Variants in AGO2 observed in about 807,000 individuals in gnomAD.
AGO2 encodes the protein protein argonaute-2.
A neutral mutation model predicts 102.3 loss-of-function variants in AGO2; 5 were observed. That is an observed-to-expected ratio of 0.05 (90% confidence interval 0.03 to 0.10). AGO2 has a LOEUF of 0.10. AGO2 is among the 10% of genes least tolerant of loss of function. AGO2 has a pLI of 1.00. For missense variants in AGO2, 541 were observed against 1,183.7 expected (o/e 0.46, Z 7.97); for synonymous variants, 449 against 473.1 (o/e 0.95, Z 0.66).
At chr8:140,551,536 C>G in intron 10 of AGO2, 100 bp from the exon 11 acceptor site, 2 of 1,312,670 alleles carry the variant, frequency 1.5e-6, no homozygotes, top group South Asian at 2.0e-5. Context: ...TGACCAACAA[C>G]TGCTTCTCAG....
chr8:140,581,856 TC>T (rs1464365959), intron 2 of AGO2, among the ~76,000 whole-genome samples: 1 of 152,156 alleles, frequency 6.6e-6, no homozygotes, highest in Non-Finnish European at 1.5e-5. Context: ...GAGAACTAAG[TC>T]CCCAGACATT....
At chr8:140,584,269 A>G (rs1052052681) in intron 2 of AGO2, among the ~76,000 whole-genome samples, 1 of 152,138 alleles carries the variant, frequency 6.6e-6, no homozygotes, top group Non-Finnish European at 1.5e-5. Flanking sequence ...GAGAAATGAA[A>G]ATTAACCACA....
chr8:140,556,989 T>G (rs1240283148), intron 8 of AGO2, 100 bp downstream of exon 8: 10 of 1,474,172 alleles, frequency 6.8e-6, no homozygotes, highest in Non-Finnish European at 8.2e-6. Flanking sequence ...GTGCCATTTG[T>G]ATCTGACTGG....
intron 1 of AGO2, among the ~76,000 whole-genome samples, chr8:140,601,356 C>G (rs1376374880): frequency 6.6e-6 from 1 of 152,232 alleles, no homozygotes; most frequent in African/African-American, 2.4e-5. Context: ...CCCCAGCAGC[C>G]CCAGCACCCC....
chr8:140,633,237 A>G (rs192082579), intron 1 of AGO2, among the ~76,000 whole-genome samples: 1 of 152,356 alleles, frequency 6.6e-6, no homozygotes, highest in Non-Finnish European at 1.5e-5. Flanking sequence ...TAAGATTAAA[A>G]AGAGTCTCAA....
intron 1 of AGO2, among the ~76,000 whole-genome samples, chr8:140,624,373 G>A (rs907805092): frequency 1.3e-5 from 2 of 152,220 alleles, no homozygotes; most frequent in African/African-American, 2.4e-5. Flanking sequence ...GCACAGAGCC[G>A]GCGTGCGTGG....
chr8:140,610,749 C>G (rs932313985), intron 1 of AGO2, among the ~76,000 whole-genome samples: 1 of 152,168 alleles, frequency 6.6e-6, no homozygotes, highest in African/African-American at 2.4e-5. Context: ...GTTGGGAGCC[C>G]CTGTCCTGCC....
chr8:140,546,100 C>T lies in AGO2; in HGVS notation c.1748+1368G>A, dbSNP rs113589038. Among the ~76,000 whole-genome samples, 967 of 152,328 alleles carry T rather than the reference C, an allele frequency of 6.3e-3. 9 individuals carry two copies. Among genetic ancestry groups the T allele is most frequent in the African/African-American group, 0.022 (912 of 41,564 alleles). The stretch of plus-strand genomic sequence containing the variant: ...GCACACAGTAGGTACTCAATAAATA[C>T]AGAACCTGTTGACTGAGGAACAGCA... On this transcript the variant is annotated intron_variant, in intron 13 of 18. Transcript: ENST00000220592.
intron 3 of AGO2, among the ~76,000 whole-genome samples, chr8:140,566,076 G>A: frequency 6.6e-6 from 1 of 152,098 alleles, no homozygotes; most frequent in Non-Finnish European, 1.5e-5. Context: ...GACTGCATGG[G>A]GAATCAGCGC....
Position 140,531,450 on chromosome 8 carries a change from C to G in AGO2, c.*594G>C, listed in dbSNP as rs1485737029. The G allele has an allele frequency of 6.5e-6, 1 of 152,880 alleles. No homozygotes were observed. Among genetic ancestry groups the G allele is most frequent in the African/African-American group, 2.4e-5 (1 of 41,446 alleles). 9.5% of individuals were successfully genotyped at this position (152,880 alleles called of 1,614,324 possible). A position where few individuals can be genotyped will look rare whatever the true frequency, so the allele number is the denominator to read the frequency against. Reference sequence around the variant, plus strand: ...TCTGCCACTGCTCCTTAGTTCAGGCCGGGTGAAGGGCGGTGCTGGCAGAAC... The same window carrying G: ...TCTGCCACTGCTCCTTAGTTCAGGCGGGGTGAAGGGCGGTGCTGGCAGAAC... On this transcript the variant is annotated 3_prime_UTR_variant, in exon 19 of 19. Coordinates refer to ENST00000220592, the MANE Select transcript of AGO2 (RefSeq NM_012154.5).
rs2073310748 is a variant in AGO2, at chr8:140,567,759, G to A, written c.336+5053C>T. Among the ~76,000 whole-genome samples, 1 of 152,254 alleles carries A rather than the reference G, an allele frequency of 6.6e-6. No homozygotes were observed. The highest frequency in any genetic ancestry group is 1.5e-5 in the Non-Finnish European group (1 of 68,046). Reference sequence around the variant, plus strand: ...TCCGGAAATCCTCAGGGCGAGAGAAGTAGGACTGTCATGGGGTGATTCCTC... The same window carrying A: ...TCCGGAAATCCTCAGGGCGAGAGAAATAGGACTGTCATGGGGTGATTCCTC... On this transcript the variant is annotated intron_variant, in intron 3 of 18. Coordinates refer to ENST00000220592, the MANE Select transcript of AGO2 (RefSeq NM_012154.5). This position sits in a 1 kb window ranked among gnomAD's most constrained non-coding sequence, Gnocchi z 5.0.
intron 16 of AGO2, 134 bp from the exon 17 acceptor site, chr8:140,535,703 GGTAGGATA>G: frequency 2.8e-6 from 2 of 718,738 alleles, no homozygotes; most frequent in Non-Finnish European, 2.5e-6. Context: ...ACAGGTCCTC[GGTAGGATA>G]GTGTTACATA....
the AGO2 span, among the ~76,000 whole-genome samples, chr8:140,641,436 C>A: frequency 6.6e-6 from 1 of 152,064 alleles, no homozygotes; most frequent in African/African-American, 2.4e-5. Context: ...TTTTAGCTTT[C>A]CACAATGACT....
rs2072395049 is a variant in AGO2 at position 140,520,340 on chromosome 8, A to C, written c.*11704T>G. On this transcript the variant is annotated 3_prime_UTR_variant, in exon 19 of 19. Transcript: ENST00000220592. ...AACACTATGCCAAACTTTTAGTATT[A>C]GTTTATATACACACAGTAAGAAACA... 2 of 152,252 alleles carry C rather than the reference A, an allele frequency of 1.3e-5. No homozygotes were observed. The highest frequency in any genetic ancestry group is 2.9e-5 in the Non-Finnish European group (2 of 68,040). 9.4% of individuals were successfully genotyped at this position (152,252 alleles called of 1,614,324 possible). A position where few individuals can be genotyped will look rare whatever the true frequency, so the allele number is the denominator to read the frequency against.
At chr8:140,595,890 T>C in intron 1 of AGO2, among the ~76,000 whole-genome samples, 1 of 121,332 alleles carries the variant, frequency 8.2e-6, no homozygotes, top group African/African-American at 3.2e-5. Flanking sequence ...AATATATAAT[T>C]ATATATATTA....
In AGO2 at chr8:140,572,823, C is replaced by T; in HGVS notation, c.325G>A (p.Gly109Arg). 1 of 1,612,434 alleles carries T rather than the reference C, an allele frequency of 6.2e-7. No homozygotes were observed. The change falls in exon 3 of 19, where the codon GGG becomes AGG. Residue 109 changes from glycine to arginine, a missense_variant. By Grantham distance (125) the Gly-to-Arg change is moderately radical (BLOSUM62 -2). This residue lies in a region of AGO2 where 147 missense variants were observed against 204.1 expected (regional missense o/e 0.72). Coordinates refer to ENST00000220592, the MANE Select transcript of AGO2 (RefSeq NM_012154.5). ...CCCGGCGAGCTTACCTTGTCCCTCCCAATCGGAAGGGGCATGGCTGTGTAT... is the reference window on the plus strand; with the variant it reads ...CCCGGCGAGCTTACCTTGTCCCTCCTAATCGGAAGGGGCATGGCTGTGTAT... ...NLYTAMPLPI[G>R]RDKVELEVTL...
intron 1 of AGO2, among the ~76,000 whole-genome samples, chr8:140,625,858 C>T (rs2074269505): frequency 6.6e-6 from 1 of 152,210 alleles, no homozygotes; most frequent in Non-Finnish European, 1.5e-5. Flanking sequence ...GGGCCAACAG[C>T]GAAGTTAAGG....
At chr8:140,573,915 T>C (rs1206059373) in intron 2 of AGO2, among the ~76,000 whole-genome samples, 1 of 152,094 alleles carries the variant, frequency 6.6e-6, no homozygotes, top group Non-Finnish European at 1.5e-5. Context: ...GAAGAATGAG[T>C]CCCGGGTGCT....
upstream of AGO2, among the ~76,000 whole-genome samples, chr8:140,639,355 C>T (rs1365610120): frequency 3.9e-5 from 6 of 152,046 alleles, no homozygotes; most frequent in Admixed American, 1.3e-4. Context: ...GTGGCACGCG[C>T]CTGTAGTCCC....
Sources: allele counts gnomAD v4.1 joint callset (sites outside exome capture counted in the v4.1 genomes callset), GRCh38; gene constraint gnomAD v4.1.1; regional missense constraint gnomAD v4.1.1; non-coding constraint Gnocchi (gnomAD v3.1); transcripts MANE v1.5; gene names NCBI Gene and HGNC (gene_info 2026-07-23, HGNC 2026-07-21).